PIP4K2B: variants seen among roughly 807,000 people sequenced by gnomAD.
PIP4K2B encodes the protein phosphatidylinositol 5-phosphate 4-kinase type-2 beta.
Under a neutral mutation model 42.0 loss-of-function variants are expected in PIP4K2B, and 3 were observed. That is an observed-to-expected ratio of 0.07 (90% CI 0.03 to 0.18). The LOEUF is 0.18. Among genes scored for constraint, PIP4K2B ranks in the 10% least tolerant of loss-of-function variants. The pLI, the probability that PIP4K2B is intolerant of heterozygous loss-of-function variation, is 1.00. For synonymous variants in PIP4K2B, 204 were observed against 210.1 expected, an observed-to-expected ratio of 0.97 and a Z score of 0.25; for missense variants, 332 against 562.3, an observed-to-expected ratio of 0.59 and a Z score of 4.14.
At chr17:38,784,521 C>A (rs950030101) in intron 2 of PIP4K2B, among the ~76,000 whole-genome samples, 182 bp from the exon 3 acceptor site, 1 of 152,116 alleles carries the variant, frequency 6.6e-6, no homozygotes, top group Non-Finnish European at 1.5e-5. Context: ...CGGGCATGAG[C>A]CACCACACCC....
At chr17:38,773,302 C>T (rs1046343719) in intron 7 of PIP4K2B, among the ~76,000 whole-genome samples, 1 of 152,114 alleles carries the variant, frequency 6.6e-6, no homozygotes, top group African/African-American at 2.4e-5. Context: ...CAAAACCATA[C>T]AAGAATGGCA....
intron 3 of PIP4K2B, among the ~76,000 whole-genome samples, chr17:38,783,195 CAAAAAAAAAAA>C (rs35913511): frequency 1.8e-5 from 1 of 55,922 alleles, no homozygotes; most frequent in South Asian, 8.6e-4. Context: ...AACTCCATCT[CAAAAAAAAAAA>C]AAAAAAAAAA....
Position 38,786,940 on chromosome 17 carries a change from T to C in PIP4K2B, c.160-20A>G, listed in dbSNP as rs1418070584. 6.4e-7 allele frequency: 1 copy of C among 1,557,044 alleles called. No individual in the cohort carries two copies. Among genetic ancestry groups the C allele is most frequent in the Admixed American group, 1.7e-5 (1 of 59,938 alleles). On this transcript the variant is annotated intron_variant, in intron 1 of 9. Transcript: ENST00000619039. ...ATTGATCTGAAAAGCAAGGAGAACG[T>C]AAGGCTCTCAGCCAGGAGGCCACCT...
chr17:38,770,246 G>A (rs1364064185), intron 9 of PIP4K2B, among the ~76,000 whole-genome samples, 190 bp downstream of exon 9: 1 of 152,208 alleles, frequency 6.6e-6, no homozygotes, highest in Non-Finnish European at 1.5e-5. Context: ...GCCTGGCAGG[G>A]AGCAGGTGGG....
rs567207713 is a variant in PIP4K2B, at chr17:38,799,197, G to A, written c.159+69C>T. On this transcript the variant is annotated intron_variant, in intron 1 of 9. Transcript: ENST00000619039. This position sits in a 1 kb window ranked among gnomAD's most constrained non-coding sequence, Gnocchi z 4.4. ...TCACCGGCAGGGCCTGCGGGGCAAGGGCCCAGGGCTGCAGGGGGCGTGGGA... is the reference window on the plus strand; with the variant it reads ...TCACCGGCAGGGCCTGCGGGGCAAGAGCCCAGGGCTGCAGGGGGCGTGGGA... 1.1e-4 allele frequency: 159 copies of A among 1,455,300 alleles called. No homozygotes were observed. In the African/African-American group the frequency reaches 1.3e-3, roughly 12 times the overall value. The allele number at this position is 1,455,300 out of a possible 1,614,324, so 90.1% of individuals were successfully genotyped here. A position where few individuals can be genotyped will look rare whatever the true frequency, so the allele number is the denominator to read the frequency against.
chr17:38,788,945 CA>C (rs35436430), intron 1 of PIP4K2B, among the ~76,000 whole-genome samples: 17,038 of 133,852 alleles, frequency 0.13, 2,672 homozygotes, highest in African/African-American at 0.38. Context: ...GACTCTGTCT[CA>C]AAAAAAAAAA....
intron 3 of PIP4K2B, 86 bp from the exon 4 acceptor site, chr17:38,780,690 C>A: frequency 7.3e-7 from 1 of 1,362,028 alleles, no homozygotes; most frequent in Admixed American, 1.9e-5. Context: ...GGCTGGACTG[C>A]TTGAAAGCCA....
At chr17:38,791,553 G>A (rs1039880554) in intron 1 of PIP4K2B, among the ~76,000 whole-genome samples, 6 of 150,764 alleles carry the variant, frequency 4.0e-5, no homozygotes, top group African/African-American at 1.2e-4. Context: ...CGGATTATAG[G>A]CATGCACCAC....
At chr17:38,781,718 T>C (rs1909728539) in intron 3 of PIP4K2B, among the ~76,000 whole-genome samples, 1 of 151,650 alleles carries the variant, frequency 6.6e-6, no homozygotes, top group South Asian at 2.1e-4. Flanking sequence ...AGTTTCGCCA[T>C]GTTTCCCAGG....
At chr17:38,776,638 A>G (rs228294) in intron 7 of PIP4K2B, 100,926 of 437,010 alleles carry the variant, frequency 0.23, 12,348 homozygotes, top group East Asian at 0.36. Context: ...AAAAAAAAAC[A>G]AAACAAACAA....
At chr17:38,785,338 C>G (rs1909946740) in intron 2 of PIP4K2B, among the ~76,000 whole-genome samples, 1 of 152,190 alleles carries the variant, frequency 6.6e-6, no homozygotes, top group South Asian at 2.1e-4. Flanking sequence ...TCTGCCTTAT[C>G]TACCCCGTCT....
At chr17:38,789,458 T>C (rs893376290) in intron 1 of PIP4K2B, among the ~76,000 whole-genome samples, 4 of 152,214 alleles carry the variant, frequency 2.6e-5, no homozygotes, top group Admixed American at 2.6e-4. Flanking sequence ...CCTGACTTAA[T>C]GGACTGGGGG....
chr17:38,787,034 C>CT (rs1273996441), intron 1 of PIP4K2B, 114 bp from the exon 2 acceptor site: 5 of 776,570 alleles, frequency 6.4e-6, no homozygotes, highest in Non-Finnish European at 1.1e-5. Context: ...GTTTCCCTCT[C>CT]TGTCTTTTTT....
chr17:38,776,665 CCT>C, intron 7 of PIP4K2B: 1 of 430,752 alleles, frequency 2.3e-6, no homozygotes, highest in South Asian at 1.7e-5. Context: ...AAAAAAAACA[CCT>C]ATTATTATAT....
At position 38,780,147 on chromosome 17, in the gene PIP4K2B, C is replaced by T. The variant is rs533712650; in HGVS notation, c.507+305G>A. Among the ~76,000 whole-genome samples the T allele has an allele frequency of 1.8e-4, 27 of 152,156 alleles. No individual in the cohort carries two copies. In the South Asian group the frequency reaches 2.5e-3, roughly 14 times the overall value. On this transcript the variant is annotated intron_variant, in intron 4 of 9. Transcript: ENST00000619039. ...GTTCCAGATGAGTGGAGAGATGGGA[C>T]GGGAAAAGAAACAAGCCTGCCGAGC...
chr17:38,793,914 A>G (rs1400263006), intron 1 of PIP4K2B, among the ~76,000 whole-genome samples: 1 of 152,096 alleles, frequency 6.6e-6, no homozygotes, highest in African/African-American at 2.4e-5. Context: ...AAGAAAATGT[A>G]TGGACAGAAC....
At chr17:38,779,551 G>A (rs1398796641) in intron 4 of PIP4K2B, 22 bp from the exon 5 acceptor site, 14 of 1,607,966 alleles carry the variant, frequency 8.7e-6, no homozygotes, top group Middle Eastern at 3.3e-4. Flanking sequence ...AGGAAGAAGA[G>A]AGAGGACTAA....
At chr17:38,771,915 A>C (rs1325071388) in intron 7 of PIP4K2B, among the ~76,000 whole-genome samples, 1 of 152,154 alleles carries the variant, frequency 6.6e-6, no homozygotes, top group East Asian at 1.9e-4. Context: ...CTGTAGTCCT[A>C]CCTACTTGGG....
At position 38,799,222 on chromosome 17, in the gene PIP4K2B, AGCGCGCGGGGCCGCGCTCAGAGGG is replaced by A. The variant is rs760597464; in HGVS notation, c.159+20_159+43del. ...GGCCCAGGGCTGCAGGGGGCGTGGG[AGCGCGCGGGGCCGCGCTCAGAGGG>A]GCGCGCAGGAGCTGGTTACCGTGTG... On this transcript the variant is annotated intron_variant, in intron 1 of 9. Coordinates refer to ENST00000619039, the MANE Select transcript of PIP4K2B (RefSeq NM_003559.5). The surrounding 1 kb of genome is among the most constrained non-coding windows in gnomAD (Gnocchi z 4.4). 2.6e-6 allele frequency: 4 copies of A among 1,535,704 alleles called. No homozygotes were observed. The highest frequency in any genetic ancestry group is 1.9e-5 in the Admixed American group (1 of 51,378).
Sources: gnomAD v4.1 joint callset for allele counts (sites outside exome capture counted in the v4.1 genomes callset) on GRCh38, gnomAD v4.1.1 for gene constraint, Gnocchi (gnomAD v3.1) non-coding constraint, MANE v1.5 for transcripts, NCBI Gene and HGNC (gene_info 2026-07-23, HGNC 2026-07-21) for gene names.